RIN2: variants seen among roughly 807,000 people sequenced by gnomAD.
RIN2 encodes RAB5 interacting protein 2.
In RIN2, 36 loss-of-function variants were observed where a neutral mutation model predicts 78.0. The observed-to-expected ratio is 0.46, with a 90% CI of 0.35 to 0.61. The LOEUF (loss-of-function observed/expected upper bound fraction) is 0.61, where lower values mean the gene tolerates loss of function less well. Ranked by LOEUF, RIN2 falls within the 20% of genes least tolerant of loss-of-function variation. The pLI, the probability that RIN2 is intolerant of heterozygous loss-of-function variation, is 0.00. For synonymous variants in RIN2, 466 were observed against 466.8 expected (o/e 1.00, Z 0.02); for missense variants, 1,087 against 1,159.7 (o/e 0.94, Z 0.91).
chr20:19,987,636 C>T, intron 9 of RIN2, among the ~76,000 whole-genome samples: 1 of 152,142 alleles, frequency 6.6e-6, no homozygotes, highest in South Asian at 2.1e-4. Flanking sequence ...GCTGGCCCAT[C>T]TGAGCACTCA....
chr20:19,887,796 G>T (rs964279828), intron 2 of RIN2, among the ~76,000 whole-genome samples: 9 of 152,138 alleles, frequency 5.9e-5, no homozygotes, highest in African/African-American at 2.2e-4. Flanking sequence ...TTCCTGAACT[G>T]CCAGGTGACA....
At chr20:19,790,120 C>T (rs1236445632) in intron 1 of RIN2, among the ~76,000 whole-genome samples, 1 of 152,316 alleles carries the variant, frequency 6.6e-6, no homozygotes, top group East Asian at 1.9e-4. Context: ...TCATTTCCCT[C>T]GTTGCAGATG....
chr20:19,989,562 T>C (rs77896189), intron 9 of RIN2, among the ~76,000 whole-genome samples: 3,116 of 152,208 alleles, frequency 0.02, 122 homozygotes, highest in African/African-American at 0.07. Context: ...AGATGTGAGC[T>C]ACCACGCCTG....
At chr20:19,989,272 CTT>C (rs11455546) in intron 9 of RIN2, among the ~76,000 whole-genome samples, 125 of 109,328 alleles carry the variant, frequency 1.1e-3, no homozygotes, top group South Asian at 1.7e-3. Context: ...AGAAAACATT[CTT>C]TTTTTTTTTT....
intron 1 of RIN2, among the ~76,000 whole-genome samples, chr20:19,797,249 C>A (rs1224639591): frequency 6.6e-6 from 1 of 152,174 alleles, no homozygotes; most frequent in Non-Finnish European, 1.5e-5. Flanking sequence ...GACTTGTTCT[C>A]TCATGTAAGC....
intron 2 of RIN2, among the ~76,000 whole-genome samples, chr20:19,863,792 T>C (rs1452616239): frequency 6.6e-6 from 1 of 152,212 alleles, no homozygotes; most frequent in Non-Finnish European, 1.5e-5. Context: ...AGAATGGTTG[T>C]TTCTGCTGTT....
chr20:19,801,389 C>T (rs2035237751), intron 2 of RIN2, among the ~76,000 whole-genome samples: 1 of 151,748 alleles, frequency 6.6e-6, no homozygotes, highest in African/African-American at 2.4e-5. Context: ...GGCGCAATGT[C>T]GGCTCACTGC....
chr20:19,975,095 C>T lies in RIN2; in HGVS notation c.1070C>T (p.Pro357Leu). ...ALPGTKPTPIPPPRLKKQASF... is the reference protein window; with the variant it reads ...ALPGTKPTPILPPRLKKQASF... ...CCTGGAACGAAACCAACTCCCATCC[C>T]TCCACCCCGGCTGAAGAAGCAGGCT... Residue 357 changes from proline to leucine, a missense_variant, in exon 9 of 13, where the codon CCT becomes CTT. Pro to Leu is a moderately conservative substitution (Grantham distance 98). Around this residue, in one of 8 missense-constraint regions of RIN2, gnomAD observed 706 missense variants for 667.5 expected, o/e 1.06. Transcript: ENST00000255006. The surrounding 1 kb of genome is among the most constrained non-coding windows in gnomAD (Gnocchi z 4.9). 6.2e-7 allele frequency: 1 copy of T among 1,613,518 alleles called. No homozygotes were observed. Among genetic ancestry groups the T allele is most frequent in the Non-Finnish European group, 8.5e-7 (1 of 1,179,900 alleles).
intron 2 of RIN2, among the ~76,000 whole-genome samples, chr20:19,811,822 C>T (rs1474423471): frequency 6.6e-6 from 1 of 151,222 alleles, no homozygotes; most frequent in Non-Finnish European, 1.5e-5. Context: ...ACAGTACAAA[C>T]AATATTTAGA....
intron 9 of RIN2, among the ~76,000 whole-genome samples, chr20:19,984,801 G>A (rs2042574650): frequency 1.3e-5 from 2 of 152,172 alleles, no homozygotes; most frequent in South Asian, 4.1e-4. Context: ...GGACCACCCT[G>A]GCATATGTGG....
chr20:19,981,878 C>T (rs1205385519), intron 9 of RIN2, among the ~76,000 whole-genome samples: 1 of 152,202 alleles, frequency 6.6e-6, no homozygotes, highest in Non-Finnish European at 1.5e-5. Flanking sequence ...TGACAGGGTG[C>T]CCCACACCTG....
At chr20:19,964,038 A>G (rs1483595561) in intron 6 of RIN2, among the ~76,000 whole-genome samples, 2 of 151,704 alleles carry the variant, frequency 1.3e-5, no homozygotes, top group Non-Finnish European at 2.9e-5. Context: ...TAATTTTTGT[A>G]TTTTCAGTAG....
intron 3 of RIN2, among the ~76,000 whole-genome samples, chr20:19,930,445 G>T (rs2040397770): frequency 6.6e-6 from 1 of 152,228 alleles, no homozygotes; most frequent in Non-Finnish European, 1.5e-5. Context: ...GACAAAAACA[G>T]CCTGGCTGAA....
At chr20:19,993,368 C>T (rs1211468128) in intron 11 of RIN2, among the ~76,000 whole-genome samples, 1 of 151,954 alleles carries the variant, frequency 6.6e-6, no homozygotes, top group Admixed American at 6.6e-5. Flanking sequence ...CAGCATTTTC[C>T]CTGGAGGGAA....
At chr20:19,854,554 G>A (rs191618298) in intron 2 of RIN2, among the ~76,000 whole-genome samples, 110 of 152,120 alleles carry the variant, frequency 7.2e-4, no homozygotes, top group African/African-American at 2.4e-3. Flanking sequence ...CTTTTGTTTC[G>A]TTGAGCAGTG....
intron 3 of RIN2, among the ~76,000 whole-genome samples, chr20:19,923,628 C>A (rs1321959687): frequency 1.3e-5 from 2 of 151,868 alleles, no homozygotes; most frequent in Non-Finnish European, 2.9e-5. Flanking sequence ...TAAAAATAGA[C>A]AAATATTAAA....
intron 1 of RIN2, among the ~76,000 whole-genome samples, chr20:19,795,884 C>T (rs1449019319): frequency 6.6e-6 from 1 of 152,092 alleles, no homozygotes; most frequent in African/African-American, 2.4e-5. Flanking sequence ...TCCACAGTGT[C>T]ATCATTTAAG....
intron 3 of RIN2, among the ~76,000 whole-genome samples, chr20:19,904,266 A>G (rs2039124246): frequency 6.8e-6 from 1 of 147,502 alleles, no homozygotes; most frequent in South Asian, 2.1e-4. Context: ...TATATAAAAT[A>G]TATATATATA....
chr20:19,900,505 A>G (rs2038929290), intron 3 of RIN2, among the ~76,000 whole-genome samples: 2 of 150,418 alleles, frequency 1.3e-5, no homozygotes, highest in Non-Finnish European at 3.0e-5. Context: ...AAACCGTCCT[A>G]AAGTCAGGTA....
Sources: gnomAD v4.1 joint callset for allele counts (sites outside exome capture counted in the v4.1 genomes callset) on GRCh38, gnomAD v4.1.1 for gene constraint, gnomAD v4.1.1 regional missense constraint, Gnocchi (gnomAD v3.1) non-coding constraint, MANE v1.5 for transcripts, NCBI Gene and HGNC (gene_info 2026-07-23, HGNC 2026-07-21) for gene names.